MRAP2: variants seen among roughly 807,000 people sequenced by gnomAD.
MRAP2 encodes melanocortin 2 receptor accessory protein 2, also known as melanocortin-2 receptor accessory protein 2.
MRAP2 carries 20 observed loss-of-function variants against 17.4 expected under a neutral mutation model. That is an observed-to-expected ratio of 1.15 (90% confidence interval 0.81 to 1.67). MRAP2 has a LOEUF of 1.67. MRAP2 is among the 40% of genes most tolerant of loss of function. The pLI, the probability that MRAP2 is intolerant of heterozygous loss-of-function variation, is 0.00. For synonymous variants in MRAP2, 96 were observed against 88.4 expected, an observed-to-expected ratio of 1.09 and a Z score of -0.48; for missense variants, 238 against 240.0, an observed-to-expected ratio of 0.99 and a Z score of 0.05.
intron 1 of MRAP2, 131 bp from the exon 2 acceptor site, chr6:84,055,181 T>C: frequency 1.0e-6 from 1 of 969,060 alleles, no homozygotes; most frequent in Non-Finnish European, 1.5e-6. Context: ...GAACCTCTCC[T>C]GGCCTAGGAG....
chr6:84,075,874 T>C (rs979707754), intron 3 of MRAP2, among the ~76,000 whole-genome samples: 1 of 152,144 alleles, frequency 6.6e-6, no homozygotes, highest in African/African-American at 2.4e-5. Context: ...AAGTAAAGAC[T>C]AACAACAGGG....
downstream of MRAP2, among the ~76,000 whole-genome samples, chr6:84,092,176 T>C (rs560608778): frequency 2.6e-5 from 4 of 152,326 alleles, no homozygotes; most frequent in African/African-American, 9.6e-5. Context: ...TGTGATTACA[T>C]TGGGTTACCT....
At chr6:84,112,703 T>C in the MRAP2 span, among the ~76,000 whole-genome samples, 4 of 152,190 alleles carry the variant, frequency 2.6e-5, no homozygotes, top group Non-Finnish European at 1.5e-5. Context: ...AGGGTGTTGA[T>C]TTTAGATCTT....
chr6:84,064,589 GC>G (rs200199585), intron 3 of MRAP2, among the ~76,000 whole-genome samples: 1,956 of 152,224 alleles, frequency 0.013, 27 homozygotes, highest in Non-Finnish European at 0.018. Flanking sequence ...CCGGGTTCAC[GC>G]CATTCTCCTG....
At chr6:84,113,246 G>A in the MRAP2 span, among the ~76,000 whole-genome samples, 1 of 152,262 alleles carries the variant, frequency 6.6e-6, no homozygotes, top group South Asian at 2.1e-4. Context: ...AGGTCTCTCA[G>A]AACTTGCTTT....
At chr6:84,040,336 G>T (rs1206620940) in intron 1 of MRAP2, among the ~76,000 whole-genome samples, 2 of 152,202 alleles carry the variant, frequency 1.3e-5, no homozygotes, top group Admixed American at 6.5e-5. Flanking sequence ...CCAGTCTCAG[G>T]TATGTCTTTA....
chr6:84,107,343 A>T, the MRAP2 span, among the ~76,000 whole-genome samples: 296 of 152,256 alleles, frequency 1.9e-3, 2 homozygotes, highest in African/African-American at 6.8e-3. Flanking sequence ...TTTACCTTAG[A>T]AGTAATATCT....
chr6:84,106,061 A>T, the MRAP2 span, among the ~76,000 whole-genome samples: 1 of 152,082 alleles, frequency 6.6e-6, no homozygotes, highest in African/African-American at 2.4e-5. Flanking sequence ...ACCTTGCCCC[A>T]GCCCTGCAAG....
At chr6:84,086,322 C>G (rs1427285757) in intron 3 of MRAP2, among the ~76,000 whole-genome samples, 1 of 152,160 alleles carries the variant, frequency 6.6e-6, no homozygotes, top group African/African-American at 2.4e-5. Context: ...CAGGCAGTTG[C>G]TGGGCAGATG....
chr6:84,117,099 T>G, the MRAP2 span, among the ~76,000 whole-genome samples: 4 of 152,138 alleles, frequency 2.6e-5, no homozygotes, highest in East Asian at 1.9e-4. Flanking sequence ...CTCAGCTCAC[T>G]ACAACCTCTG....
At chr6:84,121,945 A>G in the MRAP2 span, among the ~76,000 whole-genome samples, 12 of 152,176 alleles carry the variant, frequency 7.9e-5, no homozygotes, top group Admixed American at 7.9e-4. Flanking sequence ...TACAAAGATC[A>G]AAGCAGAACT....
downstream of MRAP2, among the ~76,000 whole-genome samples, chr6:84,091,754 G>T (rs2099501817): frequency 1.3e-5 from 2 of 152,060 alleles, 1 homozygote; most frequent in South Asian, 4.2e-4. Flanking sequence ...CCAAGATTTT[G>T]CCCCTTCTGC....
At chr6:84,077,433 G>A (rs2099497898) in intron 3 of MRAP2, among the ~76,000 whole-genome samples, 1 of 152,210 alleles carries the variant, frequency 6.6e-6, no homozygotes, top group Admixed American at 6.5e-5. Context: ...GGATTAGCAA[G>A]GGGACTGAAA....
intron 1 of MRAP2, among the ~76,000 whole-genome samples, chr6:84,053,430 A>C (rs1009499313): frequency 6.6e-6 from 1 of 152,212 alleles, no homozygotes; most frequent in Non-Finnish European, 1.5e-5. Flanking sequence ...TAACTTTTAA[A>C]TGATCTAAAT....
At chr6:84,141,083 G>A in the MRAP2 span, among the ~76,000 whole-genome samples, 3 of 151,908 alleles carry the variant, frequency 2.0e-5, no homozygotes, top group Non-Finnish European at 2.9e-5. Context: ...GACAGGAGGC[G>A]GAGATCAGGC....
chr6:84,111,980 C>G, the MRAP2 span, among the ~76,000 whole-genome samples: 1 of 152,116 alleles, frequency 6.6e-6, no homozygotes, highest in Admixed American at 6.6e-5. Flanking sequence ...GATAAGCTTT[C>G]TGATGTGCTG....
chr6:84,069,829 A>G (rs933561950), intron 3 of MRAP2, among the ~76,000 whole-genome samples: 3 of 151,600 alleles, frequency 2.0e-5, no homozygotes, highest in Admixed American at 1.3e-4. Flanking sequence ...GGAGGGTTGT[A>G]TTTTTCCAGG....
intron 3 of MRAP2, among the ~76,000 whole-genome samples, chr6:84,065,115 T>G (rs898321533): frequency 2.6e-5 from 4 of 152,028 alleles, no homozygotes; most frequent in African/African-American, 9.7e-5. Flanking sequence ...CAAAACCCTG[T>G]GTCTACAAAA....
At chr6:84,117,593 G>A in the MRAP2 span, among the ~76,000 whole-genome samples, 1 of 151,426 alleles carries the variant, frequency 6.6e-6, no homozygotes, top group Non-Finnish European at 1.5e-5. Context: ...TCTCATGTTT[G>A]GGGGCTTATC....
Sources: allele counts gnomAD v4.1 joint callset (sites outside exome capture counted in the v4.1 genomes callset), GRCh38; gene constraint gnomAD v4.1.1; transcripts MANE v1.5; gene names NCBI Gene and HGNC (gene_info 2026-07-23, HGNC 2026-07-21).